The following MALRD1 variants were observed in gnomAD, a reference collection of about 807,000 sequenced individuals.
MALRD1 encodes MAM and LDL-receptor class A domain-containing protein 1.
In MALRD1, 247 loss-of-function variants were observed where a neutral mutation model predicts 242.1. That is an observed-to-expected ratio of 1.02 (90% CI 0.92 to 1.13). The LOEUF is 1.13. Among genes scored for constraint, MALRD1 ranks in the 50% most tolerant of loss-of-function variants. MALRD1 has a pLI of 0.00. For missense variants in MALRD1, 2,989 were observed against 2,533.1 expected, an observed-to-expected ratio of 1.18 and a Z score of -3.86; for synonymous variants, 995 against 866.6, an observed-to-expected ratio of 1.15 and a Z score of -2.60.
chr10:19,206,240 C>T lies in MALRD1; in HGVS notation c.2578+975C>T, dbSNP rs193133456. Among the ~76,000 whole-genome samples, 74 of 152,050 alleles carry T rather than the reference C, an allele frequency of 4.9e-4. 1 individual carries two copies. In the South Asian group the frequency reaches 0.011, roughly 23 times the overall value. On this transcript the variant is annotated intron_variant, in intron 17 of 39. Coordinates refer to ENST00000454679, the MANE Select transcript of MALRD1 (RefSeq NM_001142308.3). ...ATTAAGAAATTTCCATATACATCAT[C>T]GTAGAGAGTTTTGCCTATGTGTAAT...
At chr10:19,490,231 TC>T (rs1390208508) in intron 29 of MALRD1, among the ~76,000 whole-genome samples, 8 of 152,182 alleles carry the variant, frequency 5.3e-5, no homozygotes, top group Non-Finnish European at 1.2e-4. Flanking sequence ...TATCTTTTTT[TC>T]CTTTGTCCAT....
At chr10:19,576,570 T>C (rs7098500) in intron 33 of MALRD1, among the ~76,000 whole-genome samples, 65,890 of 151,972 alleles carry the variant, frequency 0.43, 14,568 homozygotes, top group Non-Finnish European at 0.48. Flanking sequence ...AAGTGGTTAA[T>C]TGCCTACTAA....
intron 36 of MALRD1, among the ~76,000 whole-genome samples, chr10:19,647,397 C>G (rs1589355949): frequency 6.6e-6 from 1 of 152,260 alleles, no homozygotes; most frequent in Non-Finnish European, 1.5e-5. Flanking sequence ...CACGCCCAGT[C>G]TCCTTGGGAG....
At chr10:19,611,170 A>G (rs137950296) in intron 35 of MALRD1, among the ~76,000 whole-genome samples, 157 of 152,104 alleles carry the variant, frequency 1.0e-3, no homozygotes, top group African/African-American at 3.6e-3. Flanking sequence ...AGAAAGTGCT[A>G]TCATACATAT....
At position 19,271,492 on chromosome 10, in the gene MALRD1, C is replaced by T. The variant is rs551846834; in HGVS notation, c.3080-8555C>T. Among the ~76,000 whole-genome samples, 47 of 152,254 alleles carry T rather than the reference C, an allele frequency of 3.1e-4. No homozygotes were observed. In the South Asian group the frequency reaches 9.5e-3, roughly 31 times the overall value. On this transcript the variant is annotated intron_variant, in intron 19 of 39. Coordinates refer to ENST00000454679, the MANE Select transcript of MALRD1 (RefSeq NM_001142308.3). ...GAATTTTAAAATGTTAGGCCGGGTACGGTGGCTCATGCCTGTAATCCCAGC... is the reference window on the plus strand; with the variant it reads ...GAATTTTAAAATGTTAGGCCGGGTATGGTGGCTCATGCCTGTAATCCCAGC...
At chr10:19,600,836 GAA>G (rs1476011927) in intron 34 of MALRD1, among the ~76,000 whole-genome samples, 1 of 152,080 alleles carries the variant, frequency 6.6e-6, no homozygotes, top group Non-Finnish European at 1.5e-5. Flanking sequence ...ATTTTGTTAA[GAA>G]AGAATACCAA....
intron 14 of MALRD1, among the ~76,000 whole-genome samples, chr10:19,178,679 G>A (rs1476279385): frequency 2.0e-5 from 3 of 152,140 alleles, no homozygotes; most frequent in Non-Finnish European, 4.4e-5. Flanking sequence ...TTTGCATTCT[G>A]TTTATTTGTT....
intron 28 of MALRD1, among the ~76,000 whole-genome samples, chr10:19,444,803 CAAG>C (rs1834874349): frequency 6.6e-6 from 1 of 152,136 alleles, no homozygotes; most frequent in Admixed American, 6.6e-5. Flanking sequence ...TTGCTCTTCT[CAAG>C]GAGTATCTTT....
chr10:19,530,426 T>C (rs531591254), intron 31 of MALRD1, among the ~76,000 whole-genome samples: 1,206 of 37,706 alleles, frequency 0.032, 185 homozygotes, highest in Middle Eastern at 0.15. Context: ...ATAATAAATA[T>C]ATAATATATA....
chr10:19,071,585 T>TATAC (rs1447194159), intron 2 of MALRD1, among the ~76,000 whole-genome samples: 6 of 152,152 alleles, frequency 3.9e-5, no homozygotes, highest in Non-Finnish European at 7.3e-5. Context: ...AGATTTTTCT[T>TATAC]GTTTTTCTAA....
chr10:19,151,388 G>T (rs1588618806), intron 11 of MALRD1, among the ~76,000 whole-genome samples: 2 of 152,156 alleles, frequency 1.3e-5, no homozygotes, highest in East Asian at 3.9e-4. Context: ...CTTGTATCCA[G>T]TGGCCTTGCT....
chr10:19,469,279 A>G (rs1422532570), intron 29 of MALRD1, among the ~76,000 whole-genome samples: 1 of 152,162 alleles, frequency 6.6e-6, no homozygotes, highest in Admixed American at 6.5e-5. Flanking sequence ...GAAATTTTTT[A>G]TGTGTTCTTG....
At chr10:19,124,813 G>C (rs962151393) in intron 7 of MALRD1, 143 bp downstream of exon 7, 1 of 641,430 alleles carries the variant, frequency 1.6e-6, no homozygotes, top group Non-Finnish European at 2.2e-6. Context: ...GGAGCTGAAG[G>C]TGAAAATAAC....
chr10:19,452,554 C>A (rs1036460613), intron 29 of MALRD1, among the ~76,000 whole-genome samples: 1 of 152,138 alleles, frequency 6.6e-6, no homozygotes, highest in East Asian at 1.9e-4. Context: ...GCCCAGCCAT[C>A]TACAATTAAC....
At position 19,269,228 on chromosome 10, in the gene MALRD1, G is replaced by A. The variant is rs183894232; in HGVS notation, c.3080-10819G>A. 4.0e-4 allele frequency among the ~76,000 whole-genome samples: 61 copies of A among 152,288 alleles called. 1 individual carries two copies. The South Asian group carries it at 0.011, about 27-fold the overall frequency. ...TGAAACCTTAATCCCCATTGAGATGGTATTTGGAAGTGGGGCCTTTGAGAG... is the reference window on the plus strand; with the variant it reads ...TGAAACCTTAATCCCCATTGAGATGATATTTGGAAGTGGGGCCTTTGAGAG... On this transcript the variant is annotated intron_variant, in intron 19 of 39. Coordinates refer to ENST00000454679, the MANE Select transcript of MALRD1 (RefSeq NM_001142308.3).
At chr10:19,660,125 C>CT (rs1166862632) in intron 36 of MALRD1, among the ~76,000 whole-genome samples, 1 of 152,204 alleles carries the variant, frequency 6.6e-6, no homozygotes, top group South Asian at 2.1e-4. Context: ...AACAAAATGA[C>CT]TTTTTTGTTC....
chr10:19,718,825 C>G (rs1011042710), intron 38 of MALRD1, among the ~76,000 whole-genome samples: 1 of 151,764 alleles, frequency 6.6e-6, no homozygotes. Flanking sequence ...CTAATTATTA[C>G]CTAAAGACTG....
chr10:19,448,417 A>G (rs570565832), intron 28 of MALRD1, among the ~76,000 whole-genome samples: 1 of 151,770 alleles, frequency 6.6e-6, no homozygotes, highest in South Asian at 2.1e-4. Flanking sequence ...AACCATAAAC[A>G]TAATAGTGTG....
intron 12 of MALRD1, among the ~76,000 whole-genome samples, 182 bp from the exon 13 acceptor site, chr10:19,165,455 A>G (rs1318152775): frequency 1.3e-5 from 2 of 151,512 alleles, no homozygotes; most frequent in African/African-American, 2.4e-5. Context: ...CGCATGCACC[A>G]CCACACCCGG....
Sources: allele counts gnomAD v4.1 joint callset (sites outside exome capture counted in the v4.1 genomes callset), GRCh38; gene constraint gnomAD v4.1.1; transcripts MANE v1.5; gene names NCBI Gene and HGNC (gene_info 2026-07-23, HGNC 2026-07-21).